RGPD1: variants seen among roughly 807,000 people sequenced by gnomAD.
RGPD1 encodes RANBP2 like and GRIP domain containing 1, also known as RANBP2-like and GRIP domain-containing protein 1.
RGPD1 carries 7 observed loss-of-function variants against 40.6 expected under a neutral mutation model. The ratio of observed to expected loss-of-function variants is 0.17; its 90% CI spans 0.10 to 0.32. RGPD1 has a LOEUF of 0.32. Among genes scored for constraint, RGPD1 ranks in the 10% least tolerant of loss-of-function variants. RGPD1 has a pLI of 1.00. For missense variants in RGPD1, 50 were observed against 472.5 expected, an observed-to-expected ratio of 0.11 and a Z score of 8.29; for synonymous variants, 24 against 167.0, an observed-to-expected ratio of 0.14 and a Z score of 6.60.
rs1682192872 is a variant in RGPD1, at chr2:87,010,875, T to C, written c.5237-1638T>C. Among the ~76,000 whole-genome samples the C allele has an allele frequency of 2.4e-5, 2 of 83,154 alleles. 1 individual carries two copies. The allele number at this position is 83,154 out of a possible 152,430, so 54.6% of individuals were successfully genotyped here. Reference sequence around the variant, plus strand: ...GAGCTGAGATCGCACCATTGCACTCTAGCCTGGGCAATGAGAGCAAAATTC... The same window carrying C: ...GAGCTGAGATCGCACCATTGCACTCCAGCCTGGGCAATGAGAGCAAAATTC... On this transcript the variant is annotated intron_variant, in intron 22 of 22. Coordinates refer to ENST00000641458, the MANE Select transcript of RGPD1 (RefSeq NM_001382344.1).
upstream of RGPD1, among the ~76,000 whole-genome samples, chr2:86,938,871 T>A (rs887153000): frequency 1.6e-5 from 2 of 126,014 alleles, no homozygotes; most frequent in Non-Finnish European, 3.5e-5. Context: ...AGTGTGAGAC[T>A]CTCTCAAAAA....
At chr2:87,008,927 A>G (rs1682147976) in intron 22 of RGPD1, among the ~76,000 whole-genome samples, 1 of 133,598 alleles carries the variant, frequency 7.5e-6, no homozygotes, top group African/African-American at 2.9e-5. Flanking sequence ...ATGAAAAAGA[A>G]AAAACAGAAC....
At chr2:86,925,019 G>T (rs1401669671) in intron 1 of RGPD1, among the ~76,000 whole-genome samples, 1 of 152,100 alleles carries the variant, frequency 6.6e-6, no homozygotes, top group African/African-American at 2.4e-5. Context: ...CTACTTGGAG[G>T]CTGAGGTTGG....
intron 4 of RGPD1, among the ~76,000 whole-genome samples, chr2:86,954,774 T>G (rs1268090078): frequency 6.6e-6 from 1 of 150,550 alleles, no homozygotes; most frequent in Non-Finnish European, 1.5e-5. Context: ...ATGTATAGTT[T>G]TCTTTCATTT....
At chr2:86,923,312 T>G (rs991835977) in intron 1 of RGPD1, among the ~76,000 whole-genome samples, 1 of 151,720 alleles carries the variant, frequency 6.6e-6, no homozygotes, top group African/African-American at 2.4e-5. Context: ...AGTGCTGGGA[T>G]TACAGGCATG....
chr2:86,931,606 TTTTC>T (rs1044672046), intron 1 of RGPD1, among the ~76,000 whole-genome samples: 4 of 152,020 alleles, frequency 2.6e-5, no homozygotes, highest in Admixed American at 6.6e-5. Context: ...TTTGTTTTGT[TTTTC>T]TTTATTTGTA....
intron 1 of RGPD1, among the ~76,000 whole-genome samples, chr2:86,943,670 C>T (rs1479756403): frequency 6.6e-6 from 1 of 152,166 alleles, no homozygotes; most frequent in Non-Finnish European, 1.5e-5. Flanking sequence ...TTGCTTGACA[C>T]ATAGCACTAA....
intron 1 of RGPD1, among the ~76,000 whole-genome samples, chr2:86,918,453 C>CT (rs1160123598): frequency 0.049 from 3,796 of 77,994 alleles, 347 homozygotes; most frequent in East Asian, 0.18. Flanking sequence ...CACACCAAAT[C>CT]TTTTTTTTTT....
chr2:86,967,640 CT>C (rs1310745374), intron 7 of RGPD1, among the ~76,000 whole-genome samples: 1 of 13,596 alleles, frequency 7.4e-5, no homozygotes, highest in African/African-American at 1.6e-4. Context: ...CTTGCTTTTA[CT>C]TTTTTTTTTA....
chr2:86,931,967 A>G (rs1170045454), intron 1 of RGPD1, among the ~76,000 whole-genome samples: 1 of 148,186 alleles, frequency 6.7e-6, no homozygotes, highest in East Asian at 1.9e-4. Context: ...TTATATATAT[A>G]TTTATATATA....
chr2:86,956,039 T>C (rs933671959), intron 4 of RGPD1, among the ~76,000 whole-genome samples: 24 of 150,384 alleles, frequency 1.6e-4, no homozygotes, highest in Admixed American at 4.0e-4. Context: ...TTTTTGGAAT[T>C]GAAATCCATG....
At chr2:86,930,469 A>G in intron 1 of RGPD1, 2 of 1,463,580 alleles carry the variant, frequency 1.4e-6, no homozygotes, top group South Asian at 2.4e-5. Flanking sequence ...TGATAAGCCA[A>G]CAAGTTGATT....
At chr2:86,942,939 G>T (rs959449044) in intron 1 of RGPD1, among the ~76,000 whole-genome samples, 1 of 152,092 alleles carries the variant, frequency 6.6e-6, no homozygotes, top group South Asian at 2.1e-4. Flanking sequence ...GCCCTGGCCC[G>T]GGCTTTCTGG....
Position 86,942,152 on chromosome 2 carries a change from T to G in RGPD1, c.-85T>G. 1 of 1,511,732 alleles carries G rather than the reference T, an allele frequency of 6.6e-7. No individual in the cohort carries two copies. The highest frequency in any genetic ancestry group is 2.1e-5 in the Admixed American group (1 of 48,750). 93.6% of individuals were successfully genotyped at this position (1,511,732 alleles called of 1,614,324 possible). A position where few individuals can be genotyped will look rare whatever the true frequency, so the allele number is the denominator to read the frequency against. The stretch of plus-strand genomic sequence containing the variant: ...TCCTCCGCCGGCTACGTCAGTGGCT[T>G]TCAGGCGCTTTCCTGTTGGAATTGG... On this transcript the variant is annotated 5_prime_UTR_variant, in exon 1 of 23. Coordinates refer to ENST00000641458, the MANE Select transcript of RGPD1 (RefSeq NM_001382344.1).
intron 6 of RGPD1, among the ~76,000 whole-genome samples, chr2:86,960,183 C>T (rs1680877123): frequency 9.8e-6 from 1 of 102,056 alleles, no homozygotes; most frequent in African/African-American, 4.8e-5. Context: ...AGGGGAGGAC[C>T]CTGAGGAAGA....
chr2:86,925,584 T>C (rs1678424281), intron 1 of RGPD1, among the ~76,000 whole-genome samples: 1 of 152,166 alleles, frequency 6.6e-6, no homozygotes, highest in African/African-American at 2.4e-5. Flanking sequence ...ATTCTTTTTA[T>C]AACATTTTCA....
intron 1 of RGPD1, among the ~76,000 whole-genome samples, chr2:86,919,039 A>G (rs1345971668): frequency 9.1e-4 from 27 of 29,814 alleles, no homozygotes; most frequent in East Asian, 5.0e-3. Flanking sequence ...GAATTTATAA[A>G]CATCCTTTTT....
chr2:86,930,458 A>G (rs1678853537), intron 1 of RGPD1: 4 of 1,462,280 alleles, frequency 2.7e-6, no homozygotes, highest in South Asian at 2.4e-5. Flanking sequence ...GGCATGCCCC[A>G]TGATAAGCCA....
At chr2:86,929,689 C>CTTTTTTT (rs753911867) in intron 1 of RGPD1, among the ~76,000 whole-genome samples, 1 of 52,618 alleles carries the variant, frequency 1.9e-5, no homozygotes, top group Non-Finnish European at 3.7e-5. Context: ...AGCCCACACT[C>CTTTTTTT]TTTTTTTTTT....
Sources: allele counts gnomAD v4.1 joint callset (sites outside exome capture counted in the v4.1 genomes callset), GRCh38; gene constraint gnomAD v4.1.1; transcripts MANE v1.5; gene names NCBI Gene and HGNC (gene_info 2026-07-23, HGNC 2026-07-21).